Variants in MYT1L observed in about 807,000 individuals in gnomAD.
The protein encoded by MYT1L is myelin transcription factor 1-like protein.
Under a neutral mutation model 126.7 loss-of-function variants are expected in MYT1L, and 12 were observed. The observed-to-expected ratio is 0.09, with a 90% CI of 0.06 to 0.15. MYT1L has a LOEUF of 0.15. Among genes scored for constraint, MYT1L ranks in the 10% least tolerant of loss-of-function variants. MYT1L has a pLI of 1.00. For synonymous variants in MYT1L, 541 were observed against 604.2 expected (o/e 0.90, Z 1.53); for missense variants, 979 against 1,585.2 (o/e 0.62, Z 6.49).
intron 3 of MYT1L, among the ~76,000 whole-genome samples, chr2:2,085,990 T>C (rs2076318509): frequency 1.3e-5 from 2 of 152,246 alleles, no homozygotes; most frequent in Non-Finnish European, 2.9e-5. Flanking sequence ...ACCGCTAGTA[T>C]TTCTTATAAA....
chr2:2,082,151 A>G (rs2075899614), intron 3 of MYT1L, among the ~76,000 whole-genome samples: 1 of 152,178 alleles, frequency 6.6e-6, no homozygotes, highest in Non-Finnish European at 1.5e-5. Flanking sequence ...ACACCACACT[A>G]CATACATATA....
chr2:2,065,850 A>G (rs148170446), intron 3 of MYT1L, among the ~76,000 whole-genome samples: 183 of 87,468 alleles, frequency 2.1e-3, no homozygotes, highest in South Asian at 6.3e-3. Flanking sequence ...ACACACACGC[A>G]CACACACACA....
Position 1,882,221 on chromosome 2 carries a change from G to A in MYT1L, c.2711+4318C>T, listed in dbSNP as rs145505376. ...GCTCTGGGGCAGGAGCTCAATCCCC[G>A]TGCCCTGGGCCGTGCTTGCTGGAGC... On this transcript the variant is annotated intron_variant, in intron 18 of 24. Coordinates refer to ENST00000647738, the MANE Select transcript of MYT1L (RefSeq NM_001303052.2). Among the ~76,000 whole-genome samples the A allele has an allele frequency of 1.4e-3, 215 of 152,208 alleles. 1 individual carries two copies. Among genetic ancestry groups the A allele is most frequent in the African/African-American group, 5.0e-3 (209 of 41,532 alleles).
At chr2:2,174,821 A>G (rs1439879186) in intron 2 of MYT1L, among the ~76,000 whole-genome samples, 1 of 152,108 alleles carries the variant, frequency 6.6e-6, no homozygotes, top group Non-Finnish European at 1.5e-5. Context: ...CATCTCAGCC[A>G]ATCTTGGTGT....
chr2:2,189,171 C>T (rs147767910), intron 2 of MYT1L, among the ~76,000 whole-genome samples: 2 of 152,322 alleles, frequency 1.3e-5, no homozygotes, highest in East Asian at 3.9e-4. Context: ...GCGTTTGGGG[C>T]TTCCAAAACC....
intron 1 of MYT1L, among the ~76,000 whole-genome samples, chr2:2,318,625 C>T (rs2096109796): frequency 6.6e-6 from 1 of 152,278 alleles, no homozygotes; most frequent in South Asian, 2.1e-4. Context: ...AAAAGAATTG[C>T]AAAACATCTT....
At chr2:1,876,773 C>A (rs1302213985) in intron 18 of MYT1L, among the ~76,000 whole-genome samples, 1 of 152,200 alleles carries the variant, frequency 6.6e-6, no homozygotes, top group Non-Finnish European at 1.5e-5. Context: ...TAAAGTCCTG[C>A]CAAGACCAGT....
chr2:1,931,688 C>T (rs962742347), intron 9 of MYT1L, among the ~76,000 whole-genome samples: 1 of 152,132 alleles, frequency 6.6e-6, no homozygotes, highest in Admixed American at 6.5e-5. Context: ...TCTGGGCCTC[C>T]GTCTCATTAC....
At chr2:2,279,564 T>TGAAGGAAGAAAA (rs1553619839) in intron 2 of MYT1L, among the ~76,000 whole-genome samples, 1 of 121,568 alleles carries the variant, frequency 8.2e-6, no homozygotes, top group Non-Finnish European at 1.7e-5. Flanking sequence ...AAGGAATGAA[T>TGAAGGAAGAAAA]GAATGAAGGA....
chr2:2,155,683 T>C (rs1476811377), intron 3 of MYT1L, among the ~76,000 whole-genome samples: 1 of 152,216 alleles, frequency 6.6e-6, no homozygotes, highest in East Asian at 1.9e-4. Flanking sequence ...GACACAAGGT[T>C]ACTTTCTGCT....
Position 1,943,264 on chromosome 2 carries a change from G to T in MYT1L, c.223C>A (p.Arg75=). ...DKQPQEPAPK[R]KPFAVKADSS... ...TCTGCTTTCACGGCAAATGGCTTTC[G>T]TTTAGGAGCAGGTTCCTGGGGCTGT... Residue 75 remains arginine (R), a synonymous_variant, in exon 9 of 25, where the codon CGA becomes AGA. Transcript: ENST00000647738. The surrounding 1 kb of genome is among the most constrained non-coding windows in gnomAD (Gnocchi z 4.4). 6.4e-7 allele frequency: 1 copy of T among 1,561,026 alleles called. No individual in the cohort carries two copies. Among genetic ancestry groups the T allele is most frequent in the South Asian group, 1.2e-5 (1 of 84,598 alleles).
At chr2:1,838,447 A>C (rs1049766110) in intron 21 of MYT1L, among the ~76,000 whole-genome samples, 1 of 152,158 alleles carries the variant, frequency 6.6e-6, no homozygotes, top group African/African-American at 2.4e-5. Context: ...AAAGGAAACC[A>C]TTGTAAATCT....
chr2:1,804,450 C>T (rs576766036), intron 22 of MYT1L, among the ~76,000 whole-genome samples: 12 of 152,248 alleles, frequency 7.9e-5, no homozygotes, highest in African/African-American at 2.6e-4. Context: ...TACATTCCAC[C>T]AGTTGGCCTG....
rs6741568 is a variant in MYT1L, at chr2:1,929,236, C to T, written c.506-5973G>A. Among the ~76,000 whole-genome samples the T allele has an allele frequency of 6.6e-6, 1 of 151,838 alleles. No individual in the cohort carries two copies. The highest frequency in any genetic ancestry group is 2.1e-4 in the South Asian group (1 of 4,820). ...CTCCTAGGTGCGGCGCTGACCTCGG[C>T]GCCCCTCAGCTGCCGGCAGCACAGG... On this transcript the variant is annotated intron_variant, in intron 9 of 24. Coordinates refer to ENST00000647738, the MANE Select transcript of MYT1L (RefSeq NM_001303052.2). This position sits in a 1 kb window ranked among gnomAD's most constrained non-coding sequence, Gnocchi z 4.7.
chr2:2,301,705 C>G (rs1422784937), intron 1 of MYT1L, among the ~76,000 whole-genome samples: 2 of 151,706 alleles, frequency 1.3e-5, no homozygotes, highest in African/African-American at 4.8e-5. Flanking sequence ...ATGGCACCTG[C>G]CTGTAGTCCC....
chr2:2,202,304 A>G (rs1459318755), intron 2 of MYT1L, among the ~76,000 whole-genome samples: 1 of 152,210 alleles, frequency 6.6e-6, no homozygotes, highest in Non-Finnish European at 1.5e-5. Flanking sequence ...AGACACAAAA[A>G]AACCTTCAAA....
At chr2:2,152,039 G>C (rs867759269) in intron 3 of MYT1L, among the ~76,000 whole-genome samples, 3 of 152,242 alleles carry the variant, frequency 2.0e-5, no homozygotes, top group Non-Finnish European at 2.9e-5. Flanking sequence ...CTGGGTGACA[G>C]AGCAAGACTC....
intron 2 of MYT1L, among the ~76,000 whole-genome samples, chr2:2,253,354 C>G (rs1177322013): frequency 2.0e-5 from 3 of 152,230 alleles, no homozygotes; most frequent in Non-Finnish European, 2.9e-5. Flanking sequence ...GCTTTCTCTA[C>G]TCTTCCACCT....
At chr2:2,089,501 C>T (rs1401599117) in intron 3 of MYT1L, among the ~76,000 whole-genome samples, 5 of 152,170 alleles carry the variant, frequency 3.3e-5, no homozygotes, top group African/African-American at 4.8e-5. Context: ...TCATGAAGGA[C>T]TGTTGAGAGG....
Sources: gnomAD v4.1 joint callset for allele counts (sites outside exome capture counted in the v4.1 genomes callset) on GRCh38, gnomAD v4.1.1 for gene constraint, Gnocchi (gnomAD v3.1) non-coding constraint, MANE v1.5 for transcripts, NCBI Gene and HGNC (gene_info 2026-07-23, HGNC 2026-07-21) for gene names.